Variants in PPP2R5C observed in about 807,000 individuals in gnomAD.
PPP2R5C encodes the protein protein phosphatase 2 regulatory subunit B'gamma, also known as serine/threonine-protein phosphatase 2A 56 kDa regulatory subunit gamma isoform.
Under a neutral mutation model 68.9 loss-of-function variants are expected in PPP2R5C, and 7 were observed. That is an observed-to-expected ratio of 0.10 (90% CI 0.06 to 0.19). PPP2R5C has a LOEUF of 0.19. Among genes scored for constraint, PPP2R5C ranks in the 10% least tolerant of loss-of-function variants. PPP2R5C has a pLI of 1.00. For synonymous variants in PPP2R5C, 210 were observed against 222.2 expected (o/e 0.95, Z 0.49); for missense variants, 348 against 641.3 (o/e 0.54, Z 4.94).
At chr14:101,763,394 T>A (rs1171896317) in intron 2 of PPP2R5C, among the ~76,000 whole-genome samples, 1 of 151,558 alleles carries the variant, frequency 6.6e-6, no homozygotes, top group Non-Finnish European at 1.5e-5. Context: ...CAAATTTTTT[T>A]TTTTTTTTAA....
At chr14:101,914,214 A>T in intron 12 of PPP2R5C, 1 of 456,034 alleles carries the variant, frequency 2.2e-6, no homozygotes, top group Non-Finnish European at 4.4e-6. Context: ...ACGAACTGTG[A>T]TGCTGGGAGC....
At chr14:101,760,750 G>C, upstream of PPP2R5C, 1 of 879,662 alleles carries the variant, frequency 1.1e-6, no homozygotes, top group Non-Finnish European at 1.3e-6. Flanking sequence ...CTGGTCGAGG[G>C]GAGGGGCTGG....
chr14:101,777,528 T>G (rs1400870693), intron 2 of PPP2R5C, among the ~76,000 whole-genome samples: 1 of 151,948 alleles, frequency 6.6e-6, no homozygotes, highest in African/African-American at 2.4e-5. Flanking sequence ...TTTTGTATTC[T>G]TAGTAGGGAT....
chr14:101,828,495 A>G (rs987129749), intron 1 of PPP2R5C, among the ~76,000 whole-genome samples: 7 of 152,148 alleles, frequency 4.6e-5, no homozygotes, highest in African/African-American at 1.7e-4. Flanking sequence ...GAGGATATAC[A>G]TCAAGGCAAG....
rs953139365 is a variant in PPP2R5C, at chr14:101,835,316, G to A, written c.95-21370G>A. On this transcript the variant is annotated intron_variant, in intron 1 of 13. Transcript: ENST00000334743. The surrounding 1 kb of genome is among the most constrained non-coding windows in gnomAD (Gnocchi z 5.0). ...ACAGAGCTGGGAGGTGCATTACACC[G>A]AGGAACTGACGTGGCCTAAACTCCA... Among the ~76,000 whole-genome samples, 1 of 152,196 alleles carries A rather than the reference G, an allele frequency of 6.6e-6. No homozygotes were observed. The highest frequency in any genetic ancestry group is 1.5e-5 in the Non-Finnish European group (1 of 68,044).
chr14:101,833,155 T>C (rs2040857644), intron 1 of PPP2R5C, among the ~76,000 whole-genome samples: 1 of 152,238 alleles, frequency 6.6e-6, no homozygotes, highest in Non-Finnish European at 1.5e-5. Flanking sequence ...CAAAACTTTG[T>C]CCTTGATCAA....
chr14:101,781,048 C>A lies in PPP2R5C; in HGVS notation c.94-4970C>A, dbSNP rs980838260. ...ACCATGGAATGCAGCGTGGGGCAGCCGCTCCCCAGCCTTCCTCCCTAGCCG... is the reference window on the plus strand; with the variant it reads ...ACCATGGAATGCAGCGTGGGGCAGCAGCTCCCCAGCCTTCCTCCCTAGCCG... On this transcript the variant is annotated intron_variant, in intron 2 of 14. Coordinates refer to the PPP2R5C transcript ENST00000328724. This position sits in a 1 kb window ranked among gnomAD's most constrained non-coding sequence, Gnocchi z 6.4. Among the ~76,000 whole-genome samples the A allele has an allele frequency of 2.6e-5, 4 of 152,160 alleles. No homozygotes were observed. Among genetic ancestry groups the A allele is most frequent in the Admixed American group, 2.0e-4 (3 of 15,278 alleles).
At chr14:101,805,598 G>A (rs1330109919), upstream of PPP2R5C, among the ~76,000 whole-genome samples, 2 of 152,198 alleles carry the variant, frequency 1.3e-5, no homozygotes, top group Non-Finnish European at 1.5e-5. Flanking sequence ...GCAGATACTT[G>A]TAGCCCCATG....
rs2046056777 is a variant in PPP2R5C, at chr14:101,906,854, G to A, written c.1151+325G>A. 1.3e-5 allele frequency among the ~76,000 whole-genome samples: 2 copies of A among 152,096 alleles called. No homozygotes were observed. The highest frequency in any genetic ancestry group is 2.9e-5 in the Non-Finnish European group (2 of 68,026). ...GAGCCCAGTGGGGCTCAGCCCCGGC[G>A]GGGGCACAGTGGCCACTGCATTCTC... On this transcript the variant is annotated intron_variant, in intron 10 of 13. Transcript: ENST00000334743. The surrounding 1 kb of genome is among the most constrained non-coding windows in gnomAD (Gnocchi z 4.0).
intron 2 of PPP2R5C, among the ~76,000 whole-genome samples, chr14:101,774,360 C>G (rs2037307766): frequency 6.6e-6 from 1 of 152,112 alleles, no homozygotes; most frequent in South Asian, 2.1e-4. Context: ...TTGGAGAATC[C>G]CTTTTTCTTG....
chr14:101,761,421 G>A (rs1456853810), upstream of PPP2R5C, among the ~76,000 whole-genome samples: 6 of 151,768 alleles, frequency 4.0e-5, no homozygotes, highest in Non-Finnish European at 8.8e-5. Context: ...CGCGCCAGGA[G>A]GCCGCGGCCT....
At position 101,882,934 on chromosome 14, in the gene PPP2R5C, C is replaced by T. The variant is rs1211147989; in HGVS notation, c.406-323C>T. On this transcript the variant is annotated intron_variant, in intron 3 of 13. Coordinates refer to ENST00000334743, the Ensembl canonical transcript of PPP2R5C. The surrounding 1 kb of genome is among the most constrained non-coding windows in gnomAD (Gnocchi z 4.9). The stretch of plus-strand genomic sequence containing the variant: ...CCTAGGCGACAGGCTGCAAATCCCC[C>T]CTGCAGAGTTGGGTCATGGCTTGGT... 2.9e-5 allele frequency: 7 copies of T among 237,474 alleles called. No individual in the cohort carries two copies. Among genetic ancestry groups the T allele is most frequent in the Admixed American group, 5.4e-5 (1 of 18,538 alleles). The allele number at this position is 237,474 out of a possible 1,614,324, so 14.7% of individuals were successfully genotyped here. A position where few individuals can be genotyped will look rare whatever the true frequency, so the allele number is the denominator to read the frequency against.
At chr14:101,881,112 G>A (rs1480852078) in intron 2 of PPP2R5C, among the ~76,000 whole-genome samples, 1 of 152,048 alleles carries the variant, frequency 6.6e-6, no homozygotes, top group African/African-American at 2.4e-5. Context: ...AAGAGGGTTG[G>A]GCATGGTGAC....
At chr14:101,886,720 T>C (rs1251277109) in intron 5 of PPP2R5C, among the ~76,000 whole-genome samples, 1 of 152,094 alleles carries the variant, frequency 6.6e-6, no homozygotes, top group Non-Finnish European at 1.5e-5. Context: ...TTTTCTTTTC[T>C]TTTCTTTTCT....
intron 2 of PPP2R5C, among the ~76,000 whole-genome samples, chr14:101,775,061 C>T (rs544302854): frequency 2.6e-5 from 4 of 152,308 alleles, no homozygotes; most frequent in East Asian, 1.9e-4. Flanking sequence ...GAATCCAAAT[C>T]GGGTTCAGCA....
intron 3 of PPP2R5C, among the ~76,000 whole-genome samples, chr14:101,787,746 G>T (rs899219295): frequency 7.4e-6 from 1 of 134,950 alleles, no homozygotes; most frequent in African/African-American, 2.8e-5. Context: ...CAGCCTGGGC[G>T]ACAGAGCGAG....
intron 1 of PPP2R5C, among the ~76,000 whole-genome samples, chr14:101,841,090 A>G (rs946790069): frequency 1.3e-5 from 2 of 152,112 alleles, no homozygotes; most frequent in East Asian, 1.9e-4. Context: ...ATTCACATCA[A>G]CCCCAGTAAA....
At chr14:101,883,326 A>G in exon 4 of PPP2R5C, 3 of 1,600,014 alleles carry the variant, frequency 1.9e-6, no homozygotes, top group Non-Finnish European at 2.6e-6. Context: ...GAAGAAATAT[A>G]TTGATCAGAA....
chr14:101,913,947 CTT>C lies in PPP2R5C; in HGVS notation c.1326+1475_1326+1476del, dbSNP rs1421041865. ...TTATGTACCTAGAATATAGAGATAACTTATTGAAAAATTGCATAAAATTGTTA... is the reference window on the plus strand; with the variant it reads ...TTATGTACCTAGAATATAGAGATAACATTGAAAAATTGCATAAAATTGTTA... On this transcript the variant is annotated intron_variant, in intron 12 of 13. Transcript: ENST00000334743. The surrounding 1 kb of genome is among the most constrained non-coding windows in gnomAD (Gnocchi z 4.1). Among the ~76,000 whole-genome samples, 1 of 152,206 alleles carries C rather than the reference CTT, an allele frequency of 6.6e-6. No individual in the cohort carries two copies. Among genetic ancestry groups the C allele is most frequent in the African/African-American group, 2.4e-5 (1 of 41,446 alleles).
Sources: allele counts gnomAD v4.1 joint callset (sites outside exome capture counted in the v4.1 genomes callset), GRCh38; gene constraint gnomAD v4.1.1; non-coding constraint Gnocchi (gnomAD v3.1); transcripts MANE v1.5; gene names NCBI Gene and HGNC (gene_info 2026-07-23, HGNC 2026-07-21).